KCNN2: variants seen among roughly 807,000 people sequenced by gnomAD.
KCNN2 encodes small conductance calcium-activated potassium channel protein 2.
Under a neutral mutation model 55.5 loss-of-function variants are expected in KCNN2, and 24 were observed. The observed-to-expected ratio is 0.43, with a 90% CI of 0.31 to 0.61. The LOEUF is 0.61. KCNN2 is among the 20% of genes least tolerant of loss of function. The probability of loss-of-function intolerance (pLI) is 0.08; values close to 1 mark genes in which losing one functional copy is unlikely to be tolerated. For synonymous variants in KCNN2, 431 were observed against 336.1 expected, an observed-to-expected ratio of 1.28 and a Z score of -3.09; for missense variants, 754 against 853.6, an observed-to-expected ratio of 0.88 and a Z score of 1.45.
intron 3 of KCNN2, among the ~76,000 whole-genome samples, chr5:114,448,005 G>C (rs1274942308): frequency 6.6e-6 from 1 of 152,162 alleles, no homozygotes; most frequent in Non-Finnish European, 1.5e-5. Context: ...TCTATTTGTG[G>C]ATAGTGCTGG....
At chr5:114,105,306 T>C (rs978270224) in intron 1 of KCNN2, among the ~76,000 whole-genome samples, 1 of 152,042 alleles carries the variant, frequency 6.6e-6, no homozygotes, top group East Asian at 1.9e-4. Flanking sequence ...AGGAAGATAT[T>C]TGATCCTGAT....
intron 1 of KCNN2, among the ~76,000 whole-genome samples, chr5:114,190,690 GTT>G (rs1262583933): frequency 6.6e-6 from 1 of 152,034 alleles, no homozygotes; most frequent in Admixed American, 6.6e-5. Context: ...AAATTTTAAT[GTT>G]TGTGAATTCT....
chr5:114,428,426 A>G (rs1038344434), intron 3 of KCNN2, among the ~76,000 whole-genome samples: 18 of 152,166 alleles, frequency 1.2e-4, no homozygotes, highest in South Asian at 4.1e-4. Context: ...GTATAATCCT[A>G]TTCCTTATAT....
chr5:114,239,992 A>G (rs1177004915), intron 2 of KCNN2, among the ~76,000 whole-genome samples: 1 of 152,190 alleles, frequency 6.6e-6, no homozygotes, highest in African/African-American at 2.4e-5. Flanking sequence ...TAATCCAAGG[A>G]ATAGAAAAAA....
chr5:114,419,036 C>T (rs1759392298), intron 3 of KCNN2, among the ~76,000 whole-genome samples: 1 of 152,170 alleles, frequency 6.6e-6, no homozygotes, highest in Non-Finnish European at 1.5e-5. Context: ...GCTCTTTATC[C>T]AGTTTTAGTT....
intron 1 of KCNN2, among the ~76,000 whole-genome samples, chr5:114,128,838 A>C (rs923217250): frequency 6.6e-6 from 1 of 152,230 alleles, no homozygotes. Context: ...GCTTAGATTC[A>C]TTAATTCCCA....
chr5:114,246,516 G>A (rs755576886), intron 2 of KCNN2, among the ~76,000 whole-genome samples: 2 of 151,998 alleles, frequency 1.3e-5, no homozygotes, highest in African/African-American at 2.4e-5. Flanking sequence ...AACTCAGAAA[G>A]GCTATAAAAT....
chr5:114,270,964 G>T (rs976145666), intron 2 of KCNN2, among the ~76,000 whole-genome samples: 3 of 152,056 alleles, frequency 2.0e-5, no homozygotes, highest in Non-Finnish European at 4.4e-5. Flanking sequence ...AAGGTAGTGC[G>T]GACCCTTTAT....
intron 2 of KCNN2, among the ~76,000 whole-genome samples, chr5:114,272,267 T>C (rs1755354068): frequency 1.3e-5 from 2 of 152,038 alleles, no homozygotes; most frequent in African/African-American, 2.4e-5. Flanking sequence ...CACATATATG[T>C]ATGTACATAT....
intron 1 of KCNN2, among the ~76,000 whole-genome samples, chr5:114,157,825 T>C (rs934724740): frequency 2.0e-5 from 3 of 151,786 alleles, no homozygotes; most frequent in Non-Finnish European, 4.4e-5. Flanking sequence ...TGTCTGTTCA[T>C]TTCCTTTGCC....
chr5:114,217,478 A>C (rs1344665461), intron 1 of KCNN2, among the ~76,000 whole-genome samples: 1 of 152,136 alleles, frequency 6.6e-6, no homozygotes, highest in Admixed American at 6.5e-5. Flanking sequence ...AATATAGTCA[A>C]GGAGGAAAGA....
chr5:114,458,584 T>C (rs1761040169), intron 3 of KCNN2, among the ~76,000 whole-genome samples: 1 of 152,246 alleles, frequency 6.6e-6, no homozygotes, highest in African/African-American at 2.4e-5. Context: ...CATCTGTGAC[T>C]ATACAACAAT....
intron 3 of KCNN2, among the ~76,000 whole-genome samples, chr5:114,451,224 T>C (rs553046981): frequency 6.6e-4 from 100 of 152,320 alleles, no homozygotes; most frequent in African/African-American, 2.3e-3. Context: ...TTCTTCAAGT[T>C]TGAAAATTTG....
intron 4 of KCNN2, among the ~76,000 whole-genome samples, chr5:114,470,374 C>G (rs1262115751): frequency 6.6e-6 from 1 of 152,204 alleles, no homozygotes; most frequent in East Asian, 1.9e-4. Flanking sequence ...CCCTGAACCA[C>G]CAAGTTCCTG....
At chr5:114,396,378 T>G (rs1046342620) in intron 2 of KCNN2, among the ~76,000 whole-genome samples, 1 of 152,122 alleles carries the variant, frequency 6.6e-6, no homozygotes, top group African/African-American at 2.4e-5. Context: ...GCATTTTTCT[T>G]TGTGGAAGAA....
intron 2 of KCNN2, among the ~76,000 whole-genome samples, chr5:114,390,827 A>G (rs187011847): frequency 6.6e-6 from 1 of 152,310 alleles, no homozygotes; most frequent in Admixed American, 6.5e-5. Flanking sequence ...ATAAATTCCA[A>G]AGTAATGTGA....
chr5:114,402,735 C>G (rs1758824457), intron 2 of KCNN2, among the ~76,000 whole-genome samples: 2 of 152,182 alleles, frequency 1.3e-5, no homozygotes, highest in Admixed American at 1.3e-4. Context: ...CAAGGTGACT[C>G]TGAGGGGTCA....
Position 114,496,099 on chromosome 5 carries a change from T to G in KCNN2, c.2293T>G (p.Tyr765Asp). The change falls in exon 8 of 8, where the codon TAC (tyrosine) becomes GAC (aspartate). Residue 765 changes from tyrosine to aspartate, a missense_variant. Physicochemically the swap from Tyr to Asp is radical, Grantham distance 160. Transcript: ENST00000673685. ...QMESYDKHVT[Y>D]NAERSRSSSR... ...GGAGAGCTACGACAAGCACGTCACTTACAATGCTGAGCGGTCCCGGTCCTC... is the reference window on the plus strand; with the variant it reads ...GGAGAGCTACGACAAGCACGTCACTGACAATGCTGAGCGGTCCCGGTCCTC... 1 of 1,614,034 alleles carries G rather than the reference T, an allele frequency of 6.2e-7. No homozygotes were observed. The highest frequency in any genetic ancestry group is 8.5e-7 in the Non-Finnish European group (1 of 1,179,978).
chr5:114,440,229 A>G (rs1476484145), intron 3 of KCNN2, among the ~76,000 whole-genome samples: 8 of 152,202 alleles, frequency 5.3e-5, no homozygotes, highest in Admixed American at 5.2e-4. Context: ...TGCTGATCCT[A>G]GAACATCCTA....
Sources: allele counts gnomAD v4.1 joint callset (sites outside exome capture counted in the v4.1 genomes callset), GRCh38; gene constraint gnomAD v4.1.1; transcripts MANE v1.5; gene names NCBI Gene and HGNC (gene_info 2026-07-23, HGNC 2026-07-21).